The following SLC9A9 variants were observed in gnomAD, a reference collection of about 807,000 sequenced individuals.
SLC9A9 encodes sodium/hydrogen exchanger 9.
SLC9A9 carries 62 observed loss-of-function variants against 77.8 expected under a neutral mutation model. The ratio of observed to expected loss-of-function variants is 0.80; its 90% CI spans 0.65 to 0.98. The LOEUF (loss-of-function observed/expected upper bound fraction) is 0.98. SLC9A9 is among the 50% of genes least tolerant of loss of function. The pLI is 0.00. For synonymous variants in SLC9A9, 320 were observed against 283.5 expected (o/e 1.13, Z -1.29); for missense variants, 775 against 774.9 (o/e 1.00, Z 0.00).
intron 4 of SLC9A9, among the ~76,000 whole-genome samples, chr3:143,744,272 G>A (rs557533238): frequency 6.6e-6 from 1 of 152,234 alleles, no homozygotes; most frequent in African/African-American, 2.4e-5. Flanking sequence ...CACTTTGCTG[G>A]TGGAAACCGC....
chr3:143,833,280 T>C (rs1359547985), intron 1 of SLC9A9, among the ~76,000 whole-genome samples: 1 of 152,176 alleles, frequency 6.6e-6, no homozygotes, highest in Non-Finnish European at 1.5e-5. Context: ...AGTAAAACAT[T>C]TTTGGGGTGC....
At chr3:143,444,879 C>G (rs943120331) in intron 12 of SLC9A9, among the ~76,000 whole-genome samples, 2 of 152,228 alleles carry the variant, frequency 1.3e-5, no homozygotes, top group Admixed American at 1.3e-4. Context: ...ATGTTGGAAG[C>G]TGGCCCATGT....
intron 6 of SLC9A9, among the ~76,000 whole-genome samples, chr3:143,622,358 C>T (rs1299566428): frequency 2.0e-5 from 3 of 149,286 alleles, no homozygotes; most frequent in African/African-American, 2.5e-5. Context: ...TTAAGGGCAG[C>T]CAGAGAGAAA....
chr3:143,411,490 T>C (rs1054233915), intron 12 of SLC9A9, among the ~76,000 whole-genome samples: 6 of 152,204 alleles, frequency 3.9e-5, no homozygotes, highest in African/African-American at 9.6e-5. Context: ...TTTTGAGGGC[T>C]AGTTCTGTGT....
rs74334875 is a variant in SLC9A9, at chr3:143,378,741, A to G, written c.1524+3319T>C. Among the ~76,000 whole-genome samples, 8 of 152,308 alleles carry G rather than the reference A, an allele frequency of 5.3e-5. No homozygotes were observed. The East Asian group carries it at 1.5e-3, about 29-fold the overall frequency. On this transcript the variant is annotated intron_variant, in intron 13 of 15. Transcript: ENST00000316549. Reference sequence around the variant, plus strand: ...CCTGAGGGTTTTGTTTTTCACATTTAAGAGGCATAAAATTCACAACTGCAG... The same window carrying G: ...CCTGAGGGTTTTGTTTTTCACATTTGAGAGGCATAAAATTCACAACTGCAG...
chr3:143,324,886 G>T lies in SLC9A9; in HGVS notation c.1604+38598C>A, dbSNP rs867068705. On this transcript the variant is annotated intron_variant, in intron 14 of 15. Coordinates refer to ENST00000316549, the MANE Select transcript of SLC9A9 (RefSeq NM_173653.4). ...AACTCTCATGGCAGCCTCTTAAAGG[G>T]CCTCCTTTCTCTTCTGCCTCTTCCA... 4.6e-5 allele frequency among the ~76,000 whole-genome samples: 7 copies of T among 152,124 alleles called. No homozygotes were observed. In the South Asian group the frequency reaches 1.5e-3, roughly 32 times the overall value.
intron 15 of SLC9A9, 27 bp from the exon 16 acceptor site, chr3:143,266,956 C>T (rs1937743123): frequency 6.2e-7 from 1 of 1,605,656 alleles, no homozygotes; most frequent in South Asian, 1.1e-5. Context: ...AGAGAGGTGT[C>T]ACTTCATGAT....
At chr3:143,570,489 A>G (rs1377535564) in intron 8 of SLC9A9, among the ~76,000 whole-genome samples, 1 of 152,156 alleles carries the variant, frequency 6.6e-6, no homozygotes, top group African/African-American at 2.4e-5. Flanking sequence ...CAGACATTTT[A>G]TTTTCAGGCA....
intron 5 of SLC9A9, among the ~76,000 whole-genome samples, chr3:143,688,083 T>C (rs1458730063): frequency 2.0e-5 from 3 of 151,608 alleles, no homozygotes; most frequent in African/African-American, 7.3e-5. Flanking sequence ...CTTTATTTCT[T>C]TTTCTTTCTC....
intron 4 of SLC9A9, among the ~76,000 whole-genome samples, chr3:143,763,243 A>G (rs1560068356): frequency 6.6e-6 from 1 of 152,162 alleles, no homozygotes; most frequent in Admixed American, 6.5e-5. Context: ...CATGCATGAG[A>G]GTCAACCCAC....
chr3:143,355,220 C>T (rs1250656771), intron 14 of SLC9A9, among the ~76,000 whole-genome samples: 1 of 152,180 alleles, frequency 6.6e-6, no homozygotes, highest in Non-Finnish European at 1.5e-5. Context: ...TATTAAAATA[C>T]AGCTGTTGCA....
At chr3:143,610,593 A>C (rs2038008350) in intron 6 of SLC9A9, among the ~76,000 whole-genome samples, 1 of 152,168 alleles carries the variant, frequency 6.6e-6, no homozygotes. Context: ...AACTAAACCA[A>C]AAAGGTTCTG....
chr3:143,817,317 T>G (rs1201176091), intron 2 of SLC9A9, among the ~76,000 whole-genome samples: 2 of 148,032 alleles, frequency 1.4e-5, no homozygotes, highest in Non-Finnish European at 3.0e-5. Flanking sequence ...CCCGGCTAAT[T>G]TTTTGTATTT....
At chr3:143,504,172 G>A (rs1299288100) in intron 9 of SLC9A9, 2 of 341,100 alleles carry the variant, frequency 5.9e-6, no homozygotes, top group East Asian at 8.7e-5. Context: ...GAGGGGGGTT[G>A]TTGATGGCAG....
At chr3:143,826,142 C>T (rs1206384348) in intron 2 of SLC9A9, among the ~76,000 whole-genome samples, 1 of 151,908 alleles carries the variant, frequency 6.6e-6, no homozygotes, top group Non-Finnish European at 1.5e-5. Context: ...ACCTGTAGTC[C>T]CAGCTACTTG....
At chr3:143,423,291 A>C (rs959027207) in intron 12 of SLC9A9, among the ~76,000 whole-genome samples, 5 of 150,754 alleles carry the variant, frequency 3.3e-5, no homozygotes, top group African/African-American at 1.2e-4. Context: ...ACACACACAG[A>C]GTTCCTAATT....
At chr3:143,684,689 C>T (rs751426880) in intron 5 of SLC9A9, among the ~76,000 whole-genome samples, 44 of 152,012 alleles carry the variant, frequency 2.9e-4, no homozygotes, top group Non-Finnish European at 5.6e-4. Flanking sequence ...TTTATTTAAT[C>T]CACTGTCCCC....
intron 14 of SLC9A9, among the ~76,000 whole-genome samples, chr3:143,282,637 A>C (rs1419312059): frequency 6.6e-6 from 1 of 152,176 alleles, no homozygotes; most frequent in East Asian, 1.9e-4. Context: ...CCTGTCTGGA[A>C]TTGTAATGGT....
intron 2 of SLC9A9, among the ~76,000 whole-genome samples, chr3:143,819,997 G>A (rs1259714029): frequency 2.0e-5 from 3 of 152,152 alleles, no homozygotes; most frequent in African/African-American, 7.2e-5. Flanking sequence ...CTAATTGCAA[G>A]TCCATTGCTT....
Sources: gnomAD v4.1 joint callset for allele counts (sites outside exome capture counted in the v4.1 genomes callset) on GRCh38, gnomAD v4.1.1 for gene constraint, MANE v1.5 for transcripts, NCBI Gene and HGNC (gene_info 2026-07-23, HGNC 2026-07-21) for gene names.